The following CEP55 variants were observed in gnomAD, a reference collection of about 807,000 sequenced individuals.
The protein encoded by CEP55 is centrosomal protein 55.
CEP55 carries 57 observed loss-of-function variants against 63.2 expected under a neutral mutation model. That is an observed-to-expected ratio of 0.90 (90% CI 0.73 to 1.13). The LOEUF is 1.13. Ranked by LOEUF, CEP55 falls within the 50% of genes most tolerant of loss-of-function variation. The probability of loss-of-function intolerance (pLI) is 0.00; values close to 1 mark genes in which losing one functional copy is unlikely to be tolerated. For missense variants in CEP55, 456 were observed against 518.9 expected, an observed-to-expected ratio of 0.88 and a Z score of 1.18; for synonymous variants, 178 against 191.6, an observed-to-expected ratio of 0.93 and a Z score of 0.59.
intron 3 of CEP55, among the ~76,000 whole-genome samples, chr10:93,506,010 G>A (rs1012361581): frequency 6.6e-6 from 1 of 152,014 alleles, no homozygotes; most frequent in African/African-American, 2.4e-5. Flanking sequence ...GGGATTACAG[G>A]CATAAGCCTG....
At position 93,506,992 on chromosome 10, in the gene CEP55, T is replaced by G; in HGVS notation, c.464T>G (p.Val155Gly). Residue 155 changes from valine (V) to glycine (G), a missense_variant, in exon 4 of 9, where the codon GTG (valine) becomes GGG (glycine). Transcript: ENST00000371485. ...KTNTLRLSQT[V>G]APNCFNSSIN... ...CTAATGTTGGATTATTTACAGACTGTGGCTCCAAACTGCTTCAACTCATCA... is the reference window on the plus strand; with the variant it reads ...CTAATGTTGGATTATTTACAGACTGGGGCTCCAAACTGCTTCAACTCATCA... The G allele has an allele frequency of 6.3e-7, 1 of 1,578,558 alleles. No homozygotes were observed. The highest frequency in any genetic ancestry group is 8.7e-7 in the Non-Finnish European group (1 of 1,147,712).
intron 4 of CEP55, among the ~76,000 whole-genome samples, chr10:93,508,944 T>C (rs1043795047): frequency 1.3e-5 from 2 of 152,204 alleles, no homozygotes; most frequent in African/African-American, 2.4e-5. Context: ...ATAGAAGTCA[T>C]ATGAAGGAAG....
At position 93,519,688 on chromosome 10, in the gene CEP55, G is replaced by C. The variant is rs777977691; in HGVS notation, c.1072G>C (p.Ala358Pro). The change falls in exon 8 of 9, where the codon GCA (alanine) becomes CCA (proline). Residue 358 changes from alanine (A) to proline (P), a missense_variant. Coordinates refer to ENST00000371485, the MANE Select transcript of CEP55 (RefSeq NM_018131.5). ...RVALLEQQMQ[A>P]CTLDFENEKL... ...TGTTCTGGGCCTTTTCCAGATGCAG[G>C]CATGTACTTTAGACTTTGAAAATGA... is the stretch of plus-strand genomic sequence containing the variant. The C allele has an allele frequency of 2.5e-6, 4 of 1,613,978 alleles. No individual in the cohort carries two copies. The highest frequency in any genetic ancestry group is 1.7e-5 in the Admixed American group (1 of 60,004).
At chr10:93,519,638 C>A (rs1052279696) in intron 7 of CEP55, 44 bp from the exon 8 acceptor site, 2 of 1,598,218 alleles carry the variant, frequency 1.3e-6, no homozygotes, top group South Asian at 2.3e-5. Flanking sequence ...GAGAACTAGA[C>A]AGTCTGTATC....
chr10:93,502,845 T>C (rs530524489), intron 2 of CEP55, among the ~76,000 whole-genome samples: 90 of 152,356 alleles, frequency 5.9e-4, no homozygotes, highest in African/African-American at 2.0e-3. Context: ...CCACCCTTGA[T>C]AGAGGTGGTT....
At chr10:93,521,032 G>A (rs1218721988) in intron 8 of CEP55, among the ~76,000 whole-genome samples, 1 of 152,166 alleles carries the variant, frequency 6.6e-6, no homozygotes, top group Non-Finnish European at 1.5e-5. Flanking sequence ...CCCAGCGTGA[G>A]CGACACAGAA....
At position 93,516,473 on chromosome 10, in the gene CEP55, CTCTT is replaced by C. The variant is rs148795981; in HGVS notation, c.680-458_680-455del. On this transcript the variant is annotated intron_variant, in intron 5 of 8. Coordinates refer to ENST00000371485, the MANE Select transcript of CEP55 (RefSeq NM_018131.5). ...AATACAGTTCTCTCTCTCTCTCTCT[CTCTT>C]TCTCTGTGTGTCTGTTTTATCAAAG... Among the ~76,000 whole-genome samples, 1,342 of 152,228 alleles carry C rather than the reference CTCTT, an allele frequency of 8.8e-3. 55 individuals carry two copies. The highest frequency in any genetic ancestry group is 0.067 in the Admixed American group (1,030 of 15,282).
At chr10:93,505,054 C>T (rs891244853) in intron 3 of CEP55, among the ~76,000 whole-genome samples, 4 of 152,088 alleles carry the variant, frequency 2.6e-5, no homozygotes, top group Non-Finnish European at 4.4e-5. Flanking sequence ...TCAGGTGATC[C>T]GCCTGCCTCA....
chr10:93,515,804 C>T (rs1231952757), intron 5 of CEP55, among the ~76,000 whole-genome samples: 5 of 152,176 alleles, frequency 3.3e-5, no homozygotes, highest in Non-Finnish European at 4.4e-5. Context: ...TCTCTCTACC[C>T]ATGAATGTCC....
chr10:93,527,197 A>G (rs7077363), intron 8 of CEP55, among the ~76,000 whole-genome samples: 26,755 of 152,128 alleles, frequency 0.18, 2,603 homozygotes, highest in African/African-American at 0.25. Flanking sequence ...AAAAAAACAC[A>G]AAAAAGGAAA....
rs1273549474 is a variant in CEP55, at chr10:93,496,748, G to A, written c.-188G>A. 6.6e-6 allele frequency: 1 copy of A among 152,286 alleles called. No individual in the cohort carries two copies. The highest frequency in any genetic ancestry group is 1.5e-5 in the Non-Finnish European group (1 of 68,074). The allele number at this position is 152,286 out of a possible 1,614,324, so 9.4% of individuals were successfully genotyped here. ...GGGGCGGCCAGGACCCGCAGCCCCGGGGCCGGGCCGGTCCGGACCGCCAGG... is the reference window on the plus strand; with the variant it reads ...GGGGCGGCCAGGACCCGCAGCCCCGAGGCCGGGCCGGTCCGGACCGCCAGG... On this transcript the variant is annotated 5_prime_UTR_variant, in exon 1 of 9. Transcript: ENST00000371485.
chr10:93,497,982 CGTG>C (rs1159548552), intron 1 of CEP55, among the ~76,000 whole-genome samples: 3 of 151,868 alleles, frequency 2.0e-5, no homozygotes, highest in African/African-American at 7.3e-5. Flanking sequence ...ATTAGCCAGG[CGTG>C]GTGACGCGCA....
intron 3 of CEP55, among the ~76,000 whole-genome samples, 191 bp downstream of exon 3, chr10:93,503,579 G>T (rs942044816): frequency 6.6e-6 from 1 of 151,820 alleles, no homozygotes; most frequent in African/African-American, 2.4e-5. Flanking sequence ...AGTTAATATG[G>T]TACCCTCCAC....
intron 8 of CEP55, 111 bp from the exon 9 acceptor site, chr10:93,527,839 C>T (rs1284333837): frequency 2.3e-6 from 2 of 863,744 alleles, no homozygotes; most frequent in Non-Finnish European, 3.6e-6. Context: ...CATGTTTGTG[C>T]CACTACACTC....
rs143988067 is a variant in CEP55, at chr10:93,514,031, G to A, written c.529-1374G>A. 5.1e-3 allele frequency among the ~76,000 whole-genome samples: 756 copies of A among 147,286 alleles called. 4 individuals are homozygous for A. Among genetic ancestry groups the A allele is most frequent in the African/African-American group, 0.018 (720 of 40,388 alleles). On this transcript the variant is annotated intron_variant, in intron 4 of 8. Coordinates refer to ENST00000371485, the MANE Select transcript of CEP55 (RefSeq NM_018131.5). Reference sequence around the variant, plus strand: ...GCAATCTTGGCTCACTGCAACCTCCGCCTCCCGCATTCAAGTGATCTGCTA... The same window carrying A: ...GCAATCTTGGCTCACTGCAACCTCCACCTCCCGCATTCAAGTGATCTGCTA...
At chr10:93,505,376 T>C (rs1296671417) in intron 3 of CEP55, among the ~76,000 whole-genome samples, 1 of 152,164 alleles carries the variant, frequency 6.6e-6, no homozygotes, top group East Asian at 1.9e-4. Context: ...AAGTCCTCTG[T>C]ATGTAGCTGT....
chr10:93,517,478 A>T (rs1473687466), intron 6 of CEP55, among the ~76,000 whole-genome samples: 1 of 152,238 alleles, frequency 6.6e-6, no homozygotes, highest in Non-Finnish European at 1.5e-5. Flanking sequence ...CTCTCTGAGG[A>T]GATGGCATTT....
intron 3 of CEP55, among the ~76,000 whole-genome samples, chr10:93,506,049 C>T (rs1355657238): frequency 6.6e-6 from 1 of 151,846 alleles, no homozygotes; most frequent in Non-Finnish European, 1.5e-5. Flanking sequence ...CTCCTCCTCC[C>T]GGGTTCTGCC....
At position 93,515,573 on chromosome 10, in the gene CEP55, A is replaced by G. The variant is rs762354560; in HGVS notation, c.679+18A>G. Reference sequence around the variant, plus strand: ...ATCAGAAGGTACTGACTGGTATAAAAATGTTCTCTAGGGATAGGCCTGACA... The same window carrying G: ...ATCAGAAGGTACTGACTGGTATAAAGATGTTCTCTAGGGATAGGCCTGACA... On this transcript the variant is annotated intron_variant, in intron 5 of 8. Transcript: ENST00000371485. 28 of 1,581,546 alleles carry G rather than the reference A, an allele frequency of 1.8e-5. No individual in the cohort carries two copies. Among genetic ancestry groups the G allele is most frequent in the Non-Finnish European group, 2.6e-6 (3 of 1,158,032 alleles).
Sources: allele counts gnomAD v4.1 joint callset (sites outside exome capture counted in the v4.1 genomes callset), GRCh38; gene constraint gnomAD v4.1.1; transcripts MANE v1.5; gene names NCBI Gene and HGNC (gene_info 2026-07-23, HGNC 2026-07-21).